Variants in SCTR observed in about 807,000 individuals in gnomAD.
SCTR encodes secretin receptor, also known as pancreatic secretin receptor.
Under a neutral mutation model 60.8 loss-of-function variants are expected in SCTR, and 56 were observed. That is an observed-to-expected ratio of 0.92 (90% CI 0.74 to 1.15). The LOEUF (loss-of-function observed/expected upper bound fraction) is 1.15. Ranked by LOEUF, SCTR falls within the 50% of genes most tolerant of loss-of-function variation. The probability of loss-of-function intolerance (pLI) is 0.00; values close to 1 mark genes in which losing one functional copy is unlikely to be tolerated. For synonymous variants in SCTR, 202 were observed against 217.0 expected (o/e 0.93, Z 0.61); for missense variants, 562 against 550.4 (o/e 1.02, Z -0.21).
intron 2 of SCTR, among the ~76,000 whole-genome samples, chr2:119,482,877 T>A (rs1037382989): frequency 6.6e-6 from 1 of 152,202 alleles, no homozygotes; most frequent in African/African-American, 2.4e-5. Context: ...CCTCTTTCCC[T>A]GTGCGGCCGT....
chr2:119,443,867 T>C (rs185977045), intron 11 of SCTR, among the ~76,000 whole-genome samples: 3 of 152,136 alleles, frequency 2.0e-5, no homozygotes, highest in African/African-American at 7.2e-5. Flanking sequence ...TTTTAAAGAG[T>C]ATATGACAGT....
chr2:119,467,955 A>T (rs915308003), intron 4 of SCTR, among the ~76,000 whole-genome samples: 3 of 152,220 alleles, frequency 2.0e-5, no homozygotes, highest in Non-Finnish European at 4.4e-5. Context: ...AATAAATTTT[A>T]AAAAGATTTA....
In SCTR at chr2:119,454,832, T is replaced by C. The variant is rs1455276149; in HGVS notation, c.791-1485A>G. On this transcript the variant is annotated intron_variant, in intron 7 of 12. Coordinates refer to ENST00000019103, the MANE Select transcript of SCTR (RefSeq NM_002980.3). ...TTGCGCCACTGCGCTCCAGCCTGGG[T>C]GACAAGAGAGGAACTCCATCTCAAA... Among the ~76,000 whole-genome samples, 3 of 143,992 alleles carry C rather than the reference T, an allele frequency of 2.1e-5. No individual in the cohort carries two copies. In the East Asian group the frequency reaches 6.2e-4, roughly 30 times the overall value. The allele number at this position is 143,992 out of a possible 152,430, so 94.5% of individuals were successfully genotyped here.
Position 119,494,473 on chromosome 2 carries a change from A to T in SCTR, c.148T>A (p.Ser50Thr), listed in dbSNP as rs369327528. The T allele has an allele frequency of 3.1e-5, 50 of 1,613,996 alleles. No homozygotes were observed. The East Asian group carries it at 8.5e-4, about 27-fold the overall frequency. Residue 50 changes from serine (S) to threonine (T), a missense_variant, in exon 2 of 13, where the codon TCC becomes ACC. By Grantham distance (58) the Ser-to-Thr change is moderately conservative. Transcript: ENST00000019103. ...EEQDQCLQEL[S>T]REQTGDLGTE... Reference sequence around the variant, plus strand: ...CCCAGGTCTCCTGTCTGCTCTCTGGAGAGTTCCTGCAGGCACTGGTCTTGC... The same window carrying T: ...CCCAGGTCTCCTGTCTGCTCTCTGGTGAGTTCCTGCAGGCACTGGTCTTGC...
intron 1 of SCTR, among the ~76,000 whole-genome samples, chr2:119,516,789 G>A (rs1305904027): frequency 3.9e-5 from 6 of 151,986 alleles, no homozygotes; most frequent in African/African-American, 9.7e-5. Flanking sequence ...GTGGAACCGC[G>A]TCCCCACTAA....
At chr2:119,484,037 G>A (rs1298020601) in intron 2 of SCTR, among the ~76,000 whole-genome samples, 1 of 152,118 alleles carries the variant, frequency 6.6e-6, no homozygotes, top group Non-Finnish European at 1.5e-5. Context: ...GGGAGCCCTG[G>A]CAGGGAAGGG....
At position 119,446,819 on chromosome 2, in the gene SCTR, G is replaced by A. The variant is rs1416497138; in HGVS notation, c.1080C>T (p.Phe360=). Residue 360 remains phenylalanine (F), a synonymous_variant, in exon 11 of 13, where the codon TTC becomes TTT. Transcript: ENST00000019103. The part of the protein sequence containing the change: ...LFGIHYIVFA[F]SPEDAMEIQL... ...GGATCTCCATAGCGTCCTCTGGGGA[G>A]AAGGCGAAGACGATGTAGTGGATGC... The A allele has an allele frequency of 2.5e-6, 4 of 1,584,702 alleles. No homozygotes were observed. Among genetic ancestry groups the A allele is most frequent in the Admixed American group, 3.5e-5 (2 of 56,616 alleles).
chr2:119,440,331 T>G (rs1175422329), intron 12 of SCTR, 74 bp from the exon 13 acceptor site: 2 of 1,526,786 alleles, frequency 1.3e-6, no homozygotes, highest in African/African-American at 2.7e-5. Flanking sequence ...ACTCCCCCAG[T>G]GACTCCACGC....
chr2:119,499,865 C>G (rs546853043), intron 1 of SCTR, among the ~76,000 whole-genome samples: 20 of 152,046 alleles, frequency 1.3e-4, no homozygotes, highest in Non-Finnish European at 2.8e-4. Flanking sequence ...GGCAAGATGT[C>G]TACTCTCACA....
At chr2:119,449,418 T>A (rs1337687067) in intron 9 of SCTR, among the ~76,000 whole-genome samples, 1 of 152,204 alleles carries the variant, frequency 6.6e-6, no homozygotes, top group Non-Finnish European at 1.5e-5. Flanking sequence ...AAATATCTTT[T>A]TTTTTCTTGC....
intron 2 of SCTR, among the ~76,000 whole-genome samples, chr2:119,482,021 A>G (rs563002391): frequency 6.6e-6 from 1 of 152,308 alleles, no homozygotes; most frequent in East Asian, 1.9e-4. Flanking sequence ...TTATAAACGC[A>G]GCAATCAAGC....
chr2:119,461,837 A>G lies in SCTR; in HGVS notation c.790+10T>C. ...TACCATGCAGATATCAGACCCAGGGAGAAACATACCCCATCCGAATGCCAC... is the reference window on the plus strand; with the variant it reads ...TACCATGCAGATATCAGACCCAGGGGGAAACATACCCCATCCGAATGCCAC... On this transcript the variant is annotated intron_variant, in intron 7 of 12. Transcript: ENST00000019103. 6.2e-7 allele frequency: 1 copy of G among 1,608,252 alleles called. No individual in the cohort carries two copies. Among genetic ancestry groups the G allele is most frequent in the African/African-American group, 1.3e-5 (1 of 74,958 alleles).
intron 4 of SCTR, among the ~76,000 whole-genome samples, chr2:119,467,182 C>T (rs1683870431): frequency 6.6e-6 from 1 of 151,942 alleles, no homozygotes; most frequent in African/African-American, 2.4e-5. Context: ...AGTTCGAGAC[C>T]AGCCTGGACA....
intron 9 of SCTR, among the ~76,000 whole-genome samples, chr2:119,451,420 G>T (rs1415190764): frequency 6.6e-6 from 1 of 152,172 alleles, no homozygotes; most frequent in African/African-American, 2.4e-5. Flanking sequence ...ATAGCTATCA[G>T]TATTTTCTAA....
intron 2 of SCTR, among the ~76,000 whole-genome samples, chr2:119,488,475 G>A (rs1019601101): frequency 6.6e-6 from 1 of 152,250 alleles, no homozygotes; most frequent in Non-Finnish European, 1.5e-5. Context: ...TGCACGGTCA[G>A]GACCTGGCGG....
Position 119,494,540 on chromosome 2 carries a change from G to A in SCTR, c.81C>T (p.Ala27=), listed in dbSNP as rs1419416053. ...LLACAAHSTG[A]LPRLCDVLQV... ...GTAGCACGTCACATAGTCGGGGAAGGGCTCCAGTCTGCAAGTCCAAAACCA... is the reference window on the plus strand; with the variant it reads ...GTAGCACGTCACATAGTCGGGGAAGAGCTCCAGTCTGCAAGTCCAAAACCA... The change falls in exon 2 of 13, where the codon GCC becomes GCT. Residue 27 remains alanine, a synonymous_variant. Coordinates refer to ENST00000019103, the MANE Select transcript of SCTR (RefSeq NM_002980.3). 5 of 1,613,902 alleles carry A rather than the reference G, an allele frequency of 3.1e-6. No homozygotes were observed. In the Admixed American group the frequency reaches 8.3e-5, roughly 27 times the overall value.
intron 10 of SCTR, among the ~76,000 whole-genome samples, chr2:119,447,261 G>A (rs1231872516): frequency 6.6e-6 from 1 of 152,034 alleles, no homozygotes; most frequent in Non-Finnish European, 1.5e-5. Flanking sequence ...ATAAATATCT[G>A]TAGGGACAAA....
intron 1 of SCTR, among the ~76,000 whole-genome samples, chr2:119,520,396 G>A (rs566599059): frequency 6.6e-6 from 1 of 152,308 alleles, no homozygotes; most frequent in East Asian, 1.9e-4. Context: ...CTGCTTGGGA[G>A]GCTGAGGTGG....
chr2:119,472,733 T>C (rs527628679), intron 4 of SCTR, among the ~76,000 whole-genome samples: 1 of 152,218 alleles, frequency 6.6e-6, no homozygotes, highest in African/African-American at 2.4e-5. Flanking sequence ...CCTCAAACTC[T>C]CCAGCTCAGG....
Sources: allele counts gnomAD v4.1 joint callset (sites outside exome capture counted in the v4.1 genomes callset), GRCh38; gene constraint gnomAD v4.1.1; transcripts MANE v1.5; gene names NCBI Gene and HGNC (gene_info 2026-07-23, HGNC 2026-07-21).